The following ATP8A1 variants were observed in gnomAD, a reference collection of about 807,000 sequenced individuals.
ATP8A1 encodes the protein ATPase phospholipid transporting 8A1.
In ATP8A1, 90 loss-of-function variants were observed where a neutral mutation model predicts 177.7. The observed-to-expected ratio is 0.51, with a 90% confidence interval of 0.43 to 0.60. ATP8A1 has a LOEUF of 0.60. Among genes scored for constraint, ATP8A1 ranks in the 20% least tolerant of loss-of-function variants. ATP8A1 has a pLI of 0.00. For synonymous variants in ATP8A1, 493 were observed against 485.9 expected, an observed-to-expected ratio of 1.01 and a Z score of -0.19; for missense variants, 1,072 against 1,392.8, an observed-to-expected ratio of 0.77 and a Z score of 3.67.
chr4:42,433,855 A>AC (rs1715595985), intron 33 of ATP8A1, among the ~76,000 whole-genome samples: 2 of 126,134 alleles, frequency 1.6e-5, no homozygotes, highest in South Asian at 5.4e-4. Flanking sequence ...CAAGAGAGTA[A>AC]TAAAAAAAAA....
At chr4:42,632,184 T>A (rs778850839) in intron 1 of ATP8A1, among the ~76,000 whole-genome samples, 2 of 152,172 alleles carry the variant, frequency 1.3e-5, no homozygotes, top group Non-Finnish European at 2.9e-5. Flanking sequence ...TTCTGGGAAA[T>A]CTTAGCTTCT....
At chr4:42,435,339 T>C (rs1163215490) in intron 33 of ATP8A1, among the ~76,000 whole-genome samples, 2 of 147,948 alleles carry the variant, frequency 1.4e-5, no homozygotes, top group Non-Finnish European at 3.0e-5. Flanking sequence ...GGCAGGACAA[T>C]AGCTTGAACC....
At chr4:42,519,755 G>A (rs1725919584) in intron 22 of ATP8A1, among the ~76,000 whole-genome samples, 1 of 152,092 alleles carries the variant, frequency 6.6e-6, no homozygotes, top group South Asian at 2.1e-4. Context: ...TAATCTTTCC[G>A]GATCTTAGAT....
In ATP8A1 at chr4:42,422,798, G is replaced by A. The variant is rs1714136595; in HGVS notation, c.3305+9C>T. The stretch of plus-strand genomic sequence containing the variant: ...ATTTGGAAAAGAATATATTCACTGT[G>A]TATTTTACCTTTTTCCAAGTACAAC... On this transcript the variant is annotated intron_variant, in intron 35 of 36. Coordinates refer to ENST00000381668, the MANE Select transcript of ATP8A1 (RefSeq NM_006095.2). 1.9e-6 allele frequency: 3 copies of A among 1,601,914 alleles called. No individual in the cohort carries two copies. Among genetic ancestry groups the A allele is most frequent in the Non-Finnish European group, 2.6e-6 (3 of 1,170,814 alleles).
intron 4 of ATP8A1, among the ~76,000 whole-genome samples, chr4:42,622,064 A>T (rs1239448629): frequency 1.3e-5 from 2 of 152,108 alleles, no homozygotes; most frequent in African/African-American, 4.8e-5. Flanking sequence ...TACAAAACTC[A>T]TCTCAAGATG....
chr4:42,514,127 C>T (rs1340090889), intron 22 of ATP8A1, among the ~76,000 whole-genome samples: 1 of 152,218 alleles, frequency 6.6e-6, no homozygotes, highest in Admixed American at 6.5e-5. Context: ...CTGGAGAAAT[C>T]ATTCAACTGG....
chr4:42,605,604 G>A lies in ATP8A1; in HGVS notation c.410-5086C>T, dbSNP rs189496981. On this transcript the variant is annotated intron_variant, in intron 5 of 36. Transcript: ENST00000381668. Reference sequence around the variant, plus strand: ...CCTCCAAATCTGCTGCACTTCTGCCGTCCTCCTTCAAATCTGCTTGACGCC... The same window carrying A: ...CCTCCAAATCTGCTGCACTTCTGCCATCCTCCTTCAAATCTGCTTGACGCC... Among the ~76,000 whole-genome samples, 255 of 152,242 alleles carry A rather than the reference G, an allele frequency of 1.7e-3. 1 individual carries two copies. The highest frequency in any genetic ancestry group is 0.014 in the Middle Eastern group (4 of 294).
At chr4:42,488,681 C>T (rs577826126) in intron 24 of ATP8A1, among the ~76,000 whole-genome samples, 12 of 152,262 alleles carry the variant, frequency 7.9e-5, no homozygotes, top group Admixed American at 2.0e-4. Context: ...CCTAACTTTC[C>T]TTCCCAGTGC....
At chr4:42,448,460 T>C (rs1189573001) in intron 30 of ATP8A1, among the ~76,000 whole-genome samples, 1 of 133,380 alleles carries the variant, frequency 7.5e-6, no homozygotes, top group Non-Finnish European at 1.6e-5. Flanking sequence ...TGCAGTGATG[T>C]GACCTCAGCT....
At chr4:42,512,671 T>C (rs1033255211) in intron 22 of ATP8A1, among the ~76,000 whole-genome samples, 7 of 152,208 alleles carry the variant, frequency 4.6e-5, no homozygotes, top group African/African-American at 1.7e-4. Flanking sequence ...TCCCAAGTAA[T>C]TAATTAGCCA....
At chr4:42,480,920 C>T (rs570827146) in intron 25 of ATP8A1, among the ~76,000 whole-genome samples, 16 of 152,252 alleles carry the variant, frequency 1.1e-4, no homozygotes, top group Admixed American at 3.3e-4. Flanking sequence ...TTATGTAGAA[C>T]GATGATTACT....
chr4:42,655,453 C>T (rs1741520789), intron 1 of ATP8A1, among the ~76,000 whole-genome samples: 1 of 152,186 alleles, frequency 6.6e-6, no homozygotes, highest in South Asian at 2.1e-4. Context: ...TTTAAAAGAA[C>T]ACCACCAACT....
intron 16 of ATP8A1, among the ~76,000 whole-genome samples, chr4:42,554,337 A>G (rs1336575305): frequency 6.6e-6 from 1 of 152,160 alleles, no homozygotes; most frequent in East Asian, 1.9e-4. Flanking sequence ...AGAGATCTGG[A>G]CATGGAGAGA....
rs77878694 is a variant in ATP8A1 at position 42,573,833 on chromosome 4, T to C, written c.1295+786A>G. ...ACCTAGAAGCAAGTGTCCATGCTTG[T>C]ATGAGTAGGAGGCTGATATTTACTA... On this transcript the variant is annotated intron_variant, in intron 14 of 36. Coordinates refer to ENST00000381668, the MANE Select transcript of ATP8A1 (RefSeq NM_006095.2). Among the ~76,000 whole-genome samples, 1,341 of 152,244 alleles carry C rather than the reference T, an allele frequency of 8.8e-3. 17 individuals are homozygous for C. Among genetic ancestry groups the C allele is most frequent in the African/African-American group, 0.03 (1,257 of 41,524 alleles).
chr4:42,477,807 A>C (rs1721236313), intron 25 of ATP8A1, among the ~76,000 whole-genome samples: 1 of 117,400 alleles, frequency 8.5e-6, no homozygotes, highest in Non-Finnish European at 1.7e-5. Flanking sequence ...CCCTGTCTCT[A>C]AAAAAAAAAA....
chr4:42,561,132 CT>C (rs1374940270), intron 15 of ATP8A1, among the ~76,000 whole-genome samples: 1 of 152,182 alleles, frequency 6.6e-6, no homozygotes, highest in African/African-American at 2.4e-5. Flanking sequence ...GAAGAGGCAG[CT>C]TGTTAGCACC....
At chr4:42,555,125 C>CCTATTAGT (rs1729973029) in intron 16 of ATP8A1, among the ~76,000 whole-genome samples, 1 of 95,618 alleles carries the variant, frequency 1.0e-5, no homozygotes, top group Non-Finnish European at 2.1e-5. Context: ...ATCTATCTAT[C>CCTATTAGT]TATCTATCTA....
chr4:42,410,028 C>G lies in ATP8A1; in HGVS notation c.*2888G>C, dbSNP rs1214857684. 1 of 152,186 alleles carries G rather than the reference C, an allele frequency of 6.6e-6. No homozygotes were observed. Among genetic ancestry groups the G allele is most frequent in the African/African-American group, 2.4e-5 (1 of 41,454 alleles). 9.4% of individuals were successfully genotyped at this position (152,186 alleles called of 1,614,324 possible). A position where few individuals can be genotyped will look rare whatever the true frequency, so the allele number is the denominator to read the frequency against. On this transcript the variant is annotated 3_prime_UTR_variant, in exon 37 of 37. Coordinates refer to ENST00000381668, the MANE Select transcript of ATP8A1 (RefSeq NM_006095.2). Reference sequence around the variant, plus strand: ...AAAGTTTTCCATTAACTTAGCAACACTGCTGAAGCAGTCTCACATTAGAGC... The same window carrying G: ...AAAGTTTTCCATTAACTTAGCAACAGTGCTGAAGCAGTCTCACATTAGAGC...
chr4:42,435,746 G>A (rs896128035), intron 33 of ATP8A1, among the ~76,000 whole-genome samples: 8 of 152,174 alleles, frequency 5.3e-5, no homozygotes, highest in Admixed American at 2.0e-4. Context: ...CTCCTTGAGC[G>A]TGAAATGCTC....
Sources: allele counts gnomAD v4.1 joint callset (sites outside exome capture counted in the v4.1 genomes callset), GRCh38; gene constraint gnomAD v4.1.1; transcripts MANE v1.5; gene names NCBI Gene and HGNC (gene_info 2026-07-23, HGNC 2026-07-21).